The following CACNA2D3 variants were observed in gnomAD, a reference collection of about 807,000 sequenced individuals.
CACNA2D3 encodes the protein voltage-dependent calcium channel subunit alpha-2/delta-3.
A neutral mutation model predicts 160.6 loss-of-function variants in CACNA2D3; 60 were observed. The ratio of observed to expected loss-of-function variants is 0.37; its 90% CI spans 0.30 to 0.46. The LOEUF (loss-of-function observed/expected upper bound fraction) is 0.46. Ranked by LOEUF, CACNA2D3 falls within the 20% of genes least tolerant of loss-of-function variation. The pLI is 1.00. For synonymous variants in CACNA2D3, 558 were observed against 492.9 expected (o/e 1.13, Z -1.75); for missense variants, 1,205 against 1,365.0 (o/e 0.88, Z 1.85).
At chr3:54,694,853 G>A (rs1465755647) in intron 11 of CACNA2D3, among the ~76,000 whole-genome samples, 2 of 152,048 alleles carry the variant, frequency 1.3e-5, no homozygotes, top group East Asian at 3.8e-4. Flanking sequence ...AGAAAAATAA[G>A]GTTTTCCAGT....
intron 26 of CACNA2D3, among the ~76,000 whole-genome samples, chr3:54,899,021 G>A (rs1004339538): frequency 1.2e-4 from 18 of 152,180 alleles, no homozygotes; most frequent in African/African-American, 3.9e-4. Context: ...TTGGTCCTAA[G>A]TGTATTCATA....
At chr3:54,822,827 C>CT (rs752509454) in intron 14 of CACNA2D3, among the ~76,000 whole-genome samples, 1,237 of 87,132 alleles carry the variant, frequency 0.014, 24 homozygotes, top group Middle Eastern at 0.034. Flanking sequence ...TTCTTTCTTT[C>CT]TTTCTTTTCT....
At chr3:54,666,211 A>G (rs1575413635) in intron 11 of CACNA2D3, among the ~76,000 whole-genome samples, 1 of 152,202 alleles carries the variant, frequency 6.6e-6, no homozygotes, top group African/African-American at 2.4e-5. Flanking sequence ...TCAACAGACA[A>G]CTTTAAAAGG....
At chr3:54,700,826 C>T (rs1700754535) in intron 11 of CACNA2D3, among the ~76,000 whole-genome samples, 1 of 152,166 alleles carries the variant, frequency 6.6e-6, no homozygotes, top group African/African-American at 2.4e-5. Flanking sequence ...TATCACTAGT[C>T]CCTTTGTATA....
intron 2 of CACNA2D3, among the ~76,000 whole-genome samples, chr3:54,288,708 A>G (rs557122811): frequency 6.6e-6 from 1 of 152,172 alleles, no homozygotes; most frequent in Non-Finnish European, 1.5e-5. Context: ...GCAGCACATC[A>G]AAAAGCTTAT....
intron 9 of CACNA2D3, among the ~76,000 whole-genome samples, chr3:54,627,550 TC>T (rs1699150445): frequency 6.6e-6 from 1 of 152,190 alleles, no homozygotes; most frequent in Non-Finnish European, 1.5e-5. Context: ...TAAATGCTTT[TC>T]ACCAGAGTTC....
intron 2 of CACNA2D3, among the ~76,000 whole-genome samples, chr3:54,238,934 A>G (rs1701930288): frequency 6.6e-6 from 1 of 152,228 alleles, no homozygotes; most frequent in Non-Finnish European, 1.5e-5. Context: ...TCTTCAGATC[A>G]TTTTGAATAT....
At chr3:55,005,654 G>A (rs1703078819) in intron 32 of CACNA2D3, among the ~76,000 whole-genome samples, 1 of 152,126 alleles carries the variant, frequency 6.6e-6, no homozygotes, top group African/African-American at 2.4e-5. Context: ...TGTACCATTA[G>A]AAACTGGCTT....
chr3:54,651,928 A>G (rs1699772791), intron 11 of CACNA2D3, among the ~76,000 whole-genome samples: 1 of 152,256 alleles, frequency 6.6e-6, no homozygotes, highest in East Asian at 1.9e-4. Flanking sequence ...ATCTTAAGCA[A>G]TTTGGAAGGG....
At chr3:54,806,621 A>G (rs895473615) in intron 13 of CACNA2D3, among the ~76,000 whole-genome samples, 7 of 152,230 alleles carry the variant, frequency 4.6e-5, no homozygotes, top group Non-Finnish European at 1.0e-4. Context: ...GAGAATGGCC[A>G]TGCTGCCCAA....
At chr3:54,729,728 G>C (rs1701349092) in intron 11 of CACNA2D3, among the ~76,000 whole-genome samples, 1 of 152,132 alleles carries the variant, frequency 6.6e-6, no homozygotes, top group African/African-American at 2.4e-5. Flanking sequence ...GGCTGGGCAT[G>C]GTGGCTCACG....
intron 5 of CACNA2D3, among the ~76,000 whole-genome samples, chr3:54,526,784 G>A (rs1462826638): frequency 2.0e-5 from 3 of 152,120 alleles, no homozygotes; most frequent in Admixed American, 2.0e-4. Context: ...TCCACCTCCT[G>A]GGTTCAAGTG....
chr3:55,045,741 C>T (rs1373375574), intron 35 of CACNA2D3, among the ~76,000 whole-genome samples: 1 of 152,036 alleles, frequency 6.6e-6, no homozygotes, highest in Non-Finnish European at 1.5e-5. Flanking sequence ...GTAGTAATGT[C>T]GTTTCTTTCT....
intron 9 of CACNA2D3, among the ~76,000 whole-genome samples, chr3:54,582,156 A>C (rs1360349175): frequency 6.6e-6 from 1 of 152,230 alleles, no homozygotes; most frequent in Non-Finnish European, 1.5e-5. Flanking sequence ...GCTTACGTTG[A>C]CACTCTTGAA....
chr3:54,908,438 G>C (rs781064352), intron 27 of CACNA2D3, among the ~76,000 whole-genome samples: 11 of 152,174 alleles, frequency 7.2e-5, no homozygotes, highest in African/African-American at 2.7e-4. Flanking sequence ...TTGTCAGGCC[G>C]GGTGTGGTGG....
chr3:54,170,367 G>C (rs907848559), intron 2 of CACNA2D3, among the ~76,000 whole-genome samples: 1 of 152,152 alleles, frequency 6.6e-6, no homozygotes, highest in East Asian at 1.9e-4. Flanking sequence ...GCAGAAGTTT[G>C]TTGATTCCCA....
chr3:54,642,283 G>T (rs767164472), intron 11 of CACNA2D3, 42 bp downstream of exon 11: 3 of 1,170,616 alleles, frequency 2.6e-6, no homozygotes, highest in Admixed American at 4.3e-5. Flanking sequence ...GACTCCTTGA[G>T]AATCTTTACT....
At chr3:54,860,656 C>T (rs1699270694) in intron 17 of CACNA2D3, among the ~76,000 whole-genome samples, 1 of 152,186 alleles carries the variant, frequency 6.6e-6, no homozygotes, top group East Asian at 1.9e-4. Flanking sequence ...GGTCACCTTG[C>T]TGTCATCCCC....
At chr3:54,993,065 A>G (rs190788701) in intron 31 of CACNA2D3, among the ~76,000 whole-genome samples, 2 of 152,302 alleles carry the variant, frequency 1.3e-5, no homozygotes, top group East Asian at 3.9e-4. Context: ...ATCTGCCCCC[A>G]TGATGCAATC....
Sources: allele counts gnomAD v4.1 joint callset (sites outside exome capture counted in the v4.1 genomes callset), GRCh38; gene constraint gnomAD v4.1.1; transcripts MANE v1.5; gene names NCBI Gene and HGNC (gene_info 2026-07-23, HGNC 2026-07-21).